Variants in CEACAM4 observed in about 807,000 individuals in gnomAD.
The protein encoded by CEACAM4 is cell adhesion molecule CEACAM4.
CEACAM4 carries 30 observed loss-of-function variants against 28.7 expected under a neutral mutation model. The ratio of observed to expected loss-of-function variants is 1.05; its 90% CI spans 0.78 to 1.42. The LOEUF (loss-of-function observed/expected upper bound fraction) is 1.42. Among genes scored for constraint, CEACAM4 ranks in the 40% most tolerant of loss-of-function variants. The pLI, the probability that CEACAM4 is intolerant of heterozygous loss-of-function variation, is 0.00. For missense variants in CEACAM4, 330 were observed against 308.2 expected (o/e 1.07, Z -0.53); for synonymous variants, 143 against 126.5 (o/e 1.13, Z -0.87).
intron 1 of CEACAM4, 54 bp downstream of exon 1, chr19:41,626,846 C>T: frequency 2.0e-6 from 3 of 1,515,402 alleles, no homozygotes; most frequent in Non-Finnish European, 2.7e-6. Context: ...CAAGAGACCC[C>T]AGTCAGTCTC....
downstream of CEACAM4, among the ~76,000 whole-genome samples, chr19:41,618,228 C>T (rs1457123511): frequency 8.5e-5 from 13 of 152,140 alleles, no homozygotes; most frequent in African/African-American, 2.9e-4. Flanking sequence ...GTTGTCCCAT[C>T]GCCATGGGAG....
chr19:41,620,274 T>C (rs949110134), intron 4 of CEACAM4, 32 bp from the exon 5 acceptor site: 3 of 1,436,448 alleles, frequency 2.1e-6, no homozygotes, highest in Non-Finnish European at 1.8e-6. Flanking sequence ...AGCAGCAGGG[T>C]GGGAGGAGAG....
At position 41,621,643 on chromosome 19, in the gene CEACAM4, T is replaced by C. The variant is rs1230555414; in HGVS notation, c.542+8A>G. ...GGGTGGGAGGAGGCTGGGGAAAAGC[T>C]GCGGTACCTTCCAGTCCTGGAGAGA... On this transcript the variant is annotated splice_region_variant and intron_variant, in intron 3 of 6. Coordinates refer to ENST00000221954, the MANE Select transcript of CEACAM4 (RefSeq NM_001817.4). 1 of 1,535,004 alleles carries C rather than the reference T, an allele frequency of 6.5e-7. No individual in the cohort carries two copies.
rs782463139 is a variant in CEACAM4, at chr19:41,619,354, G to A, written c.711C>T (p.Asp237=). Residue 237 remains aspartate, a synonymous_variant, in exon 7 of 7, where the codon GAC becomes GAT. Transcript: ENST00000221954. ...CCTAAGAGACCACATCTGCTTTGTG[G>A]TCGATCTGGCAGTAAATGTTTGCAT... ...YSDANIYCQI[D]HKADVVS is the part of the protein sequence containing the mutation. The A allele has an allele frequency of 6.2e-7, 1 of 1,614,102 alleles. No individual in the cohort carries two copies. Among genetic ancestry groups the A allele is most frequent in the Non-Finnish European group, 8.5e-7 (1 of 1,179,966 alleles).
At chr19:41,618,478 G>A (rs1555799527), downstream of CEACAM4, among the ~76,000 whole-genome samples, 1 of 152,196 alleles carries the variant, frequency 6.6e-6, no homozygotes. Context: ...AGTAGCCACT[G>A]GGACAGAGGA....
chr19:41,616,234 G>A (rs1555798801), downstream of CEACAM4, among the ~76,000 whole-genome samples: 1 of 152,006 alleles, frequency 6.6e-6, no homozygotes, highest in Non-Finnish European at 1.5e-5. Context: ...GTTTCACCAT[G>A]TTGGTCAGGC....
At chr19:41,617,676 C>T (rs1385963988), downstream of CEACAM4, among the ~76,000 whole-genome samples, 6 of 152,078 alleles carry the variant, frequency 3.9e-5, no homozygotes, top group Non-Finnish European at 7.4e-5. Context: ...AGATGCTGTG[C>T]TGCTGGCTTT....
At chr19:41,619,788 C>T in intron 5 of CEACAM4, 77 bp from the exon 6 acceptor site, 1 of 1,260,410 alleles carries the variant, frequency 7.9e-7, no homozygotes, top group Non-Finnish European at 1.1e-6. Flanking sequence ...GTTCCTGTCT[C>T]TGATCGGCCA....
At chr19:41,617,294 C>T (rs1335614152), downstream of CEACAM4, among the ~76,000 whole-genome samples, 7 of 152,170 alleles carry the variant, frequency 4.6e-5, no homozygotes, top group African/African-American at 1.2e-4. Context: ...GAGAGCCCTC[C>T]GTCTCCCTCT....
chr19:41,623,929 C>T (rs1235171212), intron 2 of CEACAM4, among the ~76,000 whole-genome samples: 1 of 152,090 alleles, frequency 6.6e-6, no homozygotes, highest in East Asian at 1.9e-4. Flanking sequence ...AAGCCTGATC[C>T]CTCCCCTGAA....
At chr19:41,620,553 C>T (rs782302292) in intron 4 of CEACAM4, 22 bp downstream of exon 4, 16 of 1,608,368 alleles carry the variant, frequency 9.9e-6, no homozygotes, top group Non-Finnish European at 1.3e-5. Flanking sequence ...GGCTCCCACA[C>T]CTGGGCTGAA....
Position 41,619,357 on chromosome 19 carries a change from G to C in CEACAM4, c.708C>G (p.Ile236Met), listed in dbSNP as rs369386028. The change falls in exon 7 of 7, where the codon ATC (isoleucine) becomes ATG (methionine). Residue 236 changes from isoleucine (I) to methionine (M), a missense_variant. Physicochemically the swap from Ile to Met is conservative, Grantham distance 10. Coordinates refer to ENST00000221954, the MANE Select transcript of CEACAM4 (RefSeq NM_001817.4). ...LYSDANIYCQ[I>M]DHKADVVS ...AAGAGACCACATCTGCTTTGTGGTC[G>C]ATCTGGCAGTAAATGTTTGCATCAG... 1.9e-6 allele frequency: 3 copies of C among 1,614,044 alleles called. No individual in the cohort carries two copies. The highest frequency in any genetic ancestry group is 1.7e-6 in the Non-Finnish European group (2 of 1,179,922).
At chr19:41,618,230 C>T (rs1555799420), downstream of CEACAM4, among the ~76,000 whole-genome samples, 2 of 152,148 alleles carry the variant, frequency 1.3e-5, no homozygotes, top group Non-Finnish European at 2.9e-5. Flanking sequence ...TGTCCCATCG[C>T]CATGGGAGCC....
chr19:41,625,601 G>A lies in CEACAM4; in HGVS notation c.424C>T (p.Gln142Ter), dbSNP rs199937487. Residue 142 changes from glutamine (Q) to a stop codon, truncating the protein, a stop_gained and splice_region_variant, in exon 2 of 7, where the codon CAA (glutamine) becomes TAA (stop). Coordinates refer to ENST00000221954, the MANE Select transcript of CEACAM4 (RefSeq NM_001817.4). LOFTEE classifies it high-confidence loss of function. ...DQATGQLHVHQNNVPGLPVGA... is the reference protein window; with the variant it reads ...DQATGQLHVH ...CCAGAGGTATGGGGGAATCACTCAC[G>A]GTGTACGTGGAGCTGGCCAGTTGCT... The A allele has an allele frequency of 2.7e-5, 42 of 1,565,158 alleles. No individual in the cohort carries two copies. Among genetic ancestry groups the A allele is most frequent in the African/African-American group, 1.4e-4 (10 of 73,884 alleles).
Position 41,625,825 on chromosome 19 carries a change from C to G in CEACAM4, c.200G>C (p.Trp67Ser), listed in dbSNP as rs782413200. ...NISETIQAYY[W>S]HKGKTAEGSP... ...CCCTTCTGCCGTTTTCCCCTTGTGCCAATAATAGGCTTGAATAGTTTCTGA... is the reference window on the plus strand; with the variant it reads ...CCCTTCTGCCGTTTTCCCCTTGTGCGAATAATAGGCTTGAATAGTTTCTGA... The change falls in exon 2 of 7, where the codon TGG becomes TCG. Residue 67 changes from tryptophan to serine, a missense_variant. Coordinates refer to ENST00000221954, the MANE Select transcript of CEACAM4 (RefSeq NM_001817.4). 7 of 1,613,792 alleles carry G rather than the reference C, an allele frequency of 4.3e-6. No homozygotes were observed. The highest frequency in any genetic ancestry group is 5.9e-6 in the Non-Finnish European group (7 of 1,179,982).
rs1398482450 is a variant in CEACAM4 at position 41,625,762 on chromosome 19, G to T, written c.263C>A (p.Ala88Glu). The T allele has an allele frequency of 6.2e-7, 1 of 1,613,870 alleles. No individual in the cohort carries two copies. The highest frequency in any genetic ancestry group is 1.3e-5 in the African/African-American group (1 of 74,870). ...LIAGYITDIQ[A>E]NIPGAAYSGR... ...ACTGTATGCGGCCCCTGGGATATTT[G>T]CTTGAATGTCTGTTATATAACCAGC... Residue 88 changes from alanine to glutamate, a missense_variant, in exon 2 of 7, where the codon GCA becomes GAA. Coordinates refer to ENST00000221954, the MANE Select transcript of CEACAM4 (RefSeq NM_001817.4).
Position 41,620,221 on chromosome 19 carries a change from G to C in CEACAM4, c.617C>G (p.Ser206Cys), listed in dbSNP as rs2071183943. 3 of 1,491,056 alleles carry C rather than the reference G, an allele frequency of 2.0e-6. No individual in the cohort carries two copies. In the African/African-American group the frequency reaches 4.3e-5, roughly 21 times the overall value. 92.4% of individuals were successfully genotyped at this position (1,491,056 alleles called of 1,614,324 possible). The change falls in exon 5 of 7, where the codon TCC becomes TGC. Residue 206 changes from serine to cysteine, a missense_variant. By Grantham distance (112) the Ser-to-Cys change is moderately radical. Coordinates refer to ENST00000221954, the MANE Select transcript of CEACAM4 (RefSeq NM_001817.4). ...STPGHGPSHR[S>C]TFSAPLPSPR... The stretch of plus-strand genomic sequence containing the variant: ...AGGGAACAGGCTTACCGAGAAGGTG[G>C]ATCTGTGAGAGGGACCATGGCCTGG...
chr19:41,621,589 TCCCTCCTCCC>T, intron 3 of CEACAM4, 52 bp downstream of exon 3: 1 of 878,512 alleles, frequency 1.1e-6, no homozygotes. Context: ...GGGCGGGGTC[TCCCTCCTCCC>T]TGACTGGGGT....
chr19:41,623,737 G>T (rs553814976), intron 2 of CEACAM4, among the ~76,000 whole-genome samples: 1 of 152,134 alleles, frequency 6.6e-6, no homozygotes, highest in Non-Finnish European at 1.5e-5. Context: ...GTAAAATAAC[G>T]ATTTATTCCT....
Sources: allele counts gnomAD v4.1 joint callset (sites outside exome capture counted in the v4.1 genomes callset), GRCh38; gene constraint gnomAD v4.1.1; transcripts MANE v1.5; gene names NCBI Gene and HGNC (gene_info 2026-07-23, HGNC 2026-07-21).